The following SEMA3C variants were observed in gnomAD, a reference collection of about 807,000 sequenced individuals.
The protein encoded by SEMA3C is semaphorin-3C.
Under a neutral mutation model 89.4 loss-of-function variants are expected in SEMA3C, and 47 were observed. That is an observed-to-expected ratio of 0.53 (90% CI 0.42 to 0.67). The LOEUF (loss-of-function observed/expected upper bound fraction) is 0.67. SEMA3C is among the 30% of genes least tolerant of loss of function. SEMA3C has a pLI of 0.00. For missense variants in SEMA3C, 839 were observed against 929.1 expected, an observed-to-expected ratio of 0.90 and a Z score of 1.26; for synonymous variants, 310 against 320.2, an observed-to-expected ratio of 0.97 and a Z score of 0.34.
upstream of SEMA3C, chr7:80,919,130 C>T (rs1199340380): frequency 1.0e-6 from 1 of 984,622 alleles, no homozygotes. Context: ...CTCCGGCTGC[C>T]CCGGCGCGCC....
At chr7:80,842,256 A>C (rs971990986) in intron 2 of SEMA3C, among the ~76,000 whole-genome samples, 4 of 152,150 alleles carry the variant, frequency 2.6e-5, no homozygotes, top group African/African-American at 9.7e-5. Context: ...TATATCCAAG[A>C]CATTTCTCTT....
At chr7:80,814,073 CTTTT>C (rs935523129) in intron 5 of SEMA3C, among the ~76,000 whole-genome samples, 1 of 143,816 alleles carries the variant, frequency 7.0e-6, no homozygotes, top group Non-Finnish European at 1.5e-5. Context: ...TTCTCTGTTC[CTTTT>C]TTTTTTCTTT....
chr7:80,771,865 A>C (rs573283293), intron 12 of SEMA3C, among the ~76,000 whole-genome samples: 49 of 152,300 alleles, frequency 3.2e-4, no homozygotes, highest in Non-Finnish European at 4.4e-4. Flanking sequence ...CCACAGTCAC[A>C]CAAGTTCCTG....
chr7:80,922,225 T>G (rs768130388), upstream of SEMA3C: 1 of 1,283,644 alleles, frequency 7.8e-7, no homozygotes, highest in South Asian at 1.2e-5. Context: ...ATTGCCGTAA[T>G]GTCTCAGGTT....
At chr7:80,849,767 G>T (rs915438975) in intron 2 of SEMA3C, among the ~76,000 whole-genome samples, 2 of 152,038 alleles carry the variant, frequency 1.3e-5, no homozygotes, top group East Asian at 3.9e-4. Flanking sequence ...ATAGGGCAAA[G>T]AAGTACAAAT....
upstream of SEMA3C, chr7:80,919,180 C>A: frequency 1.0e-6 from 1 of 984,870 alleles, no homozygotes; most frequent in South Asian, 4.7e-5. Context: ...GCCCCGGCCG[C>A]ATCTCCGCCA....
chr7:80,821,584 T>A (rs112551532), intron 4 of SEMA3C, among the ~76,000 whole-genome samples: 1 of 152,322 alleles, frequency 6.6e-6, no homozygotes, highest in South Asian at 2.1e-4. Flanking sequence ...CACGCCCGGC[T>A]AATTTTTTGT....
chr7:80,767,735 A>G (rs1391900456), intron 12 of SEMA3C, among the ~76,000 whole-genome samples: 1 of 152,212 alleles, frequency 6.6e-6, no homozygotes, highest in Non-Finnish European at 1.5e-5. Flanking sequence ...AGAAGAATTA[A>G]CTTGAACTGA....
intron 2 of SEMA3C, among the ~76,000 whole-genome samples, chr7:80,872,014 T>C (rs1018832304): frequency 3.3e-5 from 5 of 152,208 alleles, no homozygotes; most frequent in Non-Finnish European, 5.9e-5. Flanking sequence ...TAGAGACCTT[T>C]AATTTTTCTG....
In SEMA3C at chr7:80,807,610, T is replaced by C. The variant is rs532615605; in HGVS notation, c.539-1852A>G. On this transcript the variant is annotated intron_variant, in intron 6 of 17. Coordinates refer to ENST00000265361, the MANE Select transcript of SEMA3C (RefSeq NM_006379.5). ...TTTTGCTTTCCAACTGTATTTCTACTGACTAGAAAAACTTCATAAAGTTAT... is the reference window on the plus strand; with the variant it reads ...TTTTGCTTTCCAACTGTATTTCTACCGACTAGAAAAACTTCATAAAGTTAT... 2.5e-4 allele frequency among the ~76,000 whole-genome samples: 37 copies of C among 146,322 alleles called. 1 individual carries two copies. Among genetic ancestry groups the C allele is most frequent in the African/African-American group, 8.8e-4 (35 of 39,870 alleles).
intron 15 of SEMA3C, among the ~76,000 whole-genome samples, chr7:80,756,397 T>G (rs572155575): frequency 6.6e-6 from 1 of 152,008 alleles, no homozygotes. Context: ...ACGAAGACAG[T>G]AGCCTCCTGT....
intron 2 of SEMA3C, among the ~76,000 whole-genome samples, chr7:80,844,331 T>C (rs2115895736): frequency 6.6e-6 from 1 of 152,346 alleles, no homozygotes; most frequent in South Asian, 2.1e-4. Flanking sequence ...CTAATGATTA[T>C]ATTGAATCAA....
At chr7:80,813,503 ATCT>A (rs1789519630) in intron 5 of SEMA3C, among the ~76,000 whole-genome samples, 1 of 152,224 alleles carries the variant, frequency 6.6e-6, no homozygotes, top group Non-Finnish European at 1.5e-5. Flanking sequence ...TAAATGATAT[ATCT>A]TCAACTCCTC....
chr7:80,870,437 C>T (rs1008050861), intron 2 of SEMA3C, among the ~76,000 whole-genome samples: 2 of 152,142 alleles, frequency 1.3e-5, no homozygotes, highest in East Asian at 1.9e-4. Context: ...TAAATCAAAC[C>T]TTGGGCATGC....
intron 2 of SEMA3C, among the ~76,000 whole-genome samples, chr7:80,838,948 C>A (rs1243739395): frequency 6.6e-6 from 1 of 152,122 alleles, no homozygotes; most frequent in Non-Finnish European, 1.5e-5. Flanking sequence ...ACATATTTTA[C>A]TTGTGTTGTG....
chr7:80,816,899 C>T (rs373333299), intron 5 of SEMA3C, among the ~76,000 whole-genome samples: 10 of 152,242 alleles, frequency 6.6e-5, no homozygotes, highest in Admixed American at 2.6e-4. Flanking sequence ...GTGGGCAATT[C>T]GTACATGGGA....
intron 2 of SEMA3C, among the ~76,000 whole-genome samples, chr7:80,882,738 ATTCTTTTTCTT>A (rs1791376283): frequency 1.3e-5 from 2 of 151,988 alleles, no homozygotes; most frequent in Non-Finnish European, 1.5e-5. Flanking sequence ...AATTGGATAT[ATTCTTTTTCTT>A]TTCTTTTTGT....
intron 11 of SEMA3C, 113 bp from the exon 12 acceptor site, chr7:80,789,641 A>T (rs1788889004): frequency 1.5e-6 from 1 of 688,158 alleles, no homozygotes; most frequent in South Asian, 2.0e-5. Flanking sequence ...TTTTAAGTAT[A>T]TCTGCTACCT....
At chr7:80,905,774 T>C in intron 2 of SEMA3C, 1 of 956,226 alleles carries the variant, frequency 1.0e-6, no homozygotes, top group Non-Finnish European at 1.5e-6. Context: ...TCTTTTATGG[T>C]ATGCAGCAGG....
Sources: gnomAD v4.1 joint callset for allele counts (sites outside exome capture counted in the v4.1 genomes callset) on GRCh38, gnomAD v4.1.1 for gene constraint, MANE v1.5 for transcripts, NCBI Gene and HGNC (gene_info 2026-07-23, HGNC 2026-07-21) for gene names.